Variants in SLC2A1 observed in about 807,000 individuals in gnomAD.
SLC2A1 encodes solute carrier family 2, facilitated glucose transporter member 1.
A neutral mutation model predicts 46.6 loss-of-function variants in SLC2A1; 4 were observed. The ratio of observed to expected loss-of-function variants is 0.09; its 90% CI spans 0.04 to 0.20. The LOEUF is 0.20. Among genes scored for constraint, SLC2A1 ranks in the 10% least tolerant of loss-of-function variants. The probability of loss-of-function intolerance (pLI) is 1.00; values close to 1 mark genes in which losing one functional copy is unlikely to be tolerated. For missense variants in SLC2A1, 352 were observed against 667.0 expected, an observed-to-expected ratio of 0.53 and a Z score of 5.20; for synonymous variants, 253 against 270.0, an observed-to-expected ratio of 0.94 and a Z score of 0.62.
chr1:42,947,412 T>C (rs913095581), intron 1 of SLC2A1, among the ~76,000 whole-genome samples: 1 of 152,008 alleles, frequency 6.6e-6, no homozygotes, highest in South Asian at 2.1e-4. Context: ...TTATTACCCA[T>C]CTGCCACTCA....
At chr1:42,931,004 C>G in intron 3 of SLC2A1, 42 bp downstream of exon 3, 1 of 1,612,942 alleles carries the variant, frequency 6.2e-7, no homozygotes. Context: ...GGCAGGAGGG[C>G]ATGGGCCCTC....
At chr1:42,934,507 A>T (rs1357303655) in intron 2 of SLC2A1, among the ~76,000 whole-genome samples, 2 of 151,978 alleles carry the variant, frequency 1.3e-5, no homozygotes, top group Admixed American at 6.5e-5. Context: ...GGGGATTCGT[A>T]TGGGGTTCCA....
chr1:42,934,978 C>T (rs983785770), intron 2 of SLC2A1, among the ~76,000 whole-genome samples: 1 of 152,172 alleles, frequency 6.6e-6, no homozygotes, highest in African/African-American at 2.4e-5. Context: ...AGAATGCAGT[C>T]GGAGTCCTGC....
In SLC2A1 at chr1:42,929,465, C is replaced by A. The variant is rs1557645796; in HGVS notation, c.867+128G>T. Reference sequence around the variant, plus strand: ...CACTGCACTGCAGTGACCTTACGGGCTTGGGGTCTAAAGGGAAACTTCTTC... The same window carrying A: ...CACTGCACTGCAGTGACCTTACGGGATTGGGGTCTAAAGGGAAACTTCTTC... On this transcript the variant is annotated intron_variant, in intron 6 of 9. Transcript: ENST00000426263. This position sits in a 1 kb window ranked among gnomAD's most constrained non-coding sequence, Gnocchi z 6.0. The A allele has an allele frequency of 8.8e-7, 1 of 1,139,684 alleles. No individual in the cohort carries two copies. The highest frequency in any genetic ancestry group is 1.3e-6 in the Non-Finnish European group (1 of 761,720). The allele number at this position is 1,139,684 out of a possible 1,614,324, so 70.6% of individuals were successfully genotyped here. A position where few individuals can be genotyped will look rare whatever the true frequency, so the allele number is the denominator to read the frequency against.
intron 2 of SLC2A1, among the ~76,000 whole-genome samples, chr1:42,939,117 A>T (rs1643571414): frequency 6.6e-6 from 1 of 152,246 alleles, no homozygotes; most frequent in Non-Finnish European, 1.5e-5. Flanking sequence ...GGCCAGATGG[A>T]ATCTCTGTGT....
Position 42,929,106 on chromosome 1 carries a change from C to G in SLC2A1, c.973-73G>C, listed in dbSNP as rs1387810342. ...GAACCCACCCACCCAGAGGCCTTGC[C>G]TCAAGAGCTGAGAAAGTCACAGGGC... is the stretch of plus-strand genomic sequence containing the variant. On this transcript the variant is annotated intron_variant, in intron 7 of 9. Transcript: ENST00000426263. The surrounding 1 kb of genome is among the most constrained non-coding windows in gnomAD (Gnocchi z 6.0). 6.4e-7 allele frequency: 1 copy of G among 1,570,360 alleles called. No homozygotes were observed. The highest frequency in any genetic ancestry group is 1.4e-5 in the African/African-American group (1 of 73,948).
rs537465774 is a variant in SLC2A1, at chr1:42,946,633, G to A, written c.19-3312C>T. 3.9e-5 allele frequency among the ~76,000 whole-genome samples: 6 copies of A among 152,292 alleles called. No individual in the cohort carries two copies. In the East Asian group the frequency reaches 9.6e-4, roughly 24 times the overall value. ...AGAGTCTGCCAAGTGGGAAAGCAGT[G>A]GCAAGGCTACATTCCAGGTGGACAG... is the stretch of plus-strand genomic sequence containing the variant. On this transcript the variant is annotated intron_variant, in intron 1 of 9. Transcript: ENST00000426263.
intron 2 of SLC2A1, among the ~76,000 whole-genome samples, chr1:42,937,776 G>A (rs755068494): frequency 6.6e-6 from 1 of 152,216 alleles, no homozygotes; most frequent in Non-Finnish European, 1.5e-5. Context: ...GGTGACGGGT[G>A]AAGGGGAGAG....
intron 1 of SLC2A1, among the ~76,000 whole-genome samples, chr1:42,953,778 CGGGGGAT>C (rs1643746668): frequency 6.6e-6 from 1 of 152,138 alleles, no homozygotes; most frequent in Non-Finnish European, 1.5e-5. Context: ...AAGCTGATTA[CGGGGGAT>C]TTGAGGCTGG....
Position 42,958,867 on chromosome 1 carries a change from T to C in SLC2A1, c.-216A>G, listed in dbSNP as rs1478957160. 5.6e-6 allele frequency: 3 copies of C among 537,850 alleles called. No individual in the cohort carries two copies. The highest frequency in any genetic ancestry group is 3.3e-5 in the Admixed American group (1 of 30,586). The allele number at this position is 537,850 out of a possible 1,614,324, so 33.3% of individuals were successfully genotyped here. A position where few individuals can be genotyped will look rare whatever the true frequency, so the allele number is the denominator to read the frequency against. On this transcript the variant is annotated 5_prime_UTR_variant, in exon 1 of 10. Coordinates refer to ENST00000426263, the MANE Select transcript of SLC2A1 (RefSeq NM_006516.4). Reference sequence around the variant, plus strand: ...GCTCGCTGTTGCTACCTCTTGCCTCTTGCCAGAGAGCGCGCGGACCGTAGC... The same window carrying C: ...GCTCGCTGTTGCTACCTCTTGCCTCCTGCCAGAGAGCGCGCGGACCGTAGC...
intron 2 of SLC2A1, among the ~76,000 whole-genome samples, chr1:42,935,708 T>A (rs1643536030): frequency 6.6e-6 from 1 of 152,176 alleles, no homozygotes; most frequent in Admixed American, 6.5e-5. Flanking sequence ...CAGCACTCTG[T>A]AGCCCCAGAG....
chr1:42,931,198 C>T lies in SLC2A1; in HGVS notation c.123G>A (p.Glu41=), dbSNP rs769414573. 42 of 1,613,686 alleles carry T rather than the reference C, an allele frequency of 2.6e-5. No homozygotes were observed. The highest frequency in any genetic ancestry group is 3.3e-5 in the Non-Finnish European group (39 of 1,179,736). ...GVINAPQKVI[E]EFYNQTWVHR... Reference sequence around the variant, plus strand: ...GGACCCATGTCTGGTTGTAGAACTCCTCGATCACCTGCAGGGGGAGATGCA... The same window carrying T: ...GGACCCATGTCTGGTTGTAGAACTCTTCGATCACCTGCAGGGGGAGATGCA... The change falls in exon 3 of 10, where the codon GAG becomes GAA. Residue 41 remains glutamate, a synonymous_variant. Coordinates refer to ENST00000426263, the MANE Select transcript of SLC2A1 (RefSeq NM_006516.4).
intron 2 of SLC2A1, 22 bp from the exon 3 acceptor site, chr1:42,931,228 G>GCATCTT (rs1643486510): frequency 6.2e-7 from 1 of 1,611,498 alleles, no homozygotes; most frequent in Admixed American, 1.7e-5. Context: ...GATGCAGCCT[G>GCATCTT]GGTGAGCAAG....
intron 2 of SLC2A1, among the ~76,000 whole-genome samples, chr1:42,937,869 G>A (rs79689074): frequency 0.054 from 8,144 of 152,196 alleles, 305 homozygotes; most frequent in East Asian, 0.16. Flanking sequence ...CGGGACACAG[G>A]GCTTGGGTTG....
At chr1:42,952,181 G>C (rs1423268739) in intron 1 of SLC2A1, 2 of 502,910 alleles carry the variant, frequency 4.0e-6, no homozygotes, top group African/African-American at 3.8e-5. Flanking sequence ...AAGCAGGGGT[G>C]ATCTTTATAT....
Position 42,926,789 on chromosome 1 carries a change from A to G in SLC2A1, c.*252T>C. 6.8e-7 allele frequency: 1 copy of G among 1,477,684 alleles called. No individual in the cohort carries two copies. The highest frequency in any genetic ancestry group is 1.4e-5 in the African/African-American group (1 of 70,452). The allele number at this position is 1,477,684 out of a possible 1,614,324, so 91.5% of individuals were successfully genotyped here. ...GACTCAGGCTGATATAAAAATAACA[A>G]AATCAGTAATAAAAAAATTATAAAA... On this transcript the variant is annotated 3_prime_UTR_variant, in exon 10 of 10. Coordinates refer to ENST00000426263, the MANE Select transcript of SLC2A1 (RefSeq NM_006516.4).
chr1:42,929,126 C>T lies in SLC2A1; in HGVS notation c.972+84G>A. The T allele has an allele frequency of 2.6e-6, 4 of 1,556,944 alleles. No homozygotes were observed. The highest frequency in any genetic ancestry group is 3.5e-6 in the Non-Finnish European group (4 of 1,128,840). ...CTTGCCTCAAGAGCTGAGAAAGTCACAGGGCACTGCAAAGACCAGTGGGGA... is the reference window on the plus strand; with the variant it reads ...CTTGCCTCAAGAGCTGAGAAAGTCATAGGGCACTGCAAAGACCAGTGGGGA... On this transcript the variant is annotated intron_variant, in intron 7 of 9. Transcript: ENST00000426263. The surrounding 1 kb of genome is among the most constrained non-coding windows in gnomAD (Gnocchi z 6.0).
intron 2 of SLC2A1, among the ~76,000 whole-genome samples, chr1:42,936,696 C>T (rs564997264): frequency 1.6e-4 from 24 of 152,288 alleles, no homozygotes; most frequent in African/African-American, 5.1e-4. Flanking sequence ...ATCCCACTGC[C>T]GTGGCCACAC....
chr1:42,945,742 A>AAAAAAAAAC (rs1226825541), intron 1 of SLC2A1, among the ~76,000 whole-genome samples: 3 of 86,988 alleles, frequency 3.4e-5, no homozygotes, highest in African/African-American at 3.0e-4. Context: ...CTGTCTCAAA[A>AAAAAAAAAC]AAAAAAAAAA....
Sources: allele counts gnomAD v4.1 joint callset (sites outside exome capture counted in the v4.1 genomes callset), GRCh38; gene constraint gnomAD v4.1.1; non-coding constraint Gnocchi (gnomAD v3.1); transcripts MANE v1.5; gene names NCBI Gene and HGNC (gene_info 2026-07-23, HGNC 2026-07-21).